The following PCK2 variants were observed in gnomAD, a reference collection of about 807,000 sequenced individuals.
PCK2 encodes phosphoenolpyruvate carboxykinase 2, mitochondrial, also known as phosphoenolpyruvate carboxykinase [GTP], mitochondrial.
Under a neutral mutation model 65.9 loss-of-function variants are expected in PCK2, and 56 were observed. The ratio of observed to expected loss-of-function variants is 0.85; its 90% CI spans 0.69 to 1.06. PCK2 has a LOEUF of 1.06. Ranked by LOEUF, PCK2 falls within the 50% of genes least tolerant of loss-of-function variation. The pLI, the probability that PCK2 is intolerant of heterozygous loss-of-function variation, is 0.00. For synonymous variants in PCK2, 305 were observed against 319.6 expected, an observed-to-expected ratio of 0.95 and a Z score of 0.49; for missense variants, 843 against 863.1, an observed-to-expected ratio of 0.98 and a Z score of 0.29.
At position 24,098,194 on chromosome 14, in the gene PCK2, C is replaced by T. The variant is rs755506944; in HGVS notation, c.276-9C>T. 1 of 1,585,866 alleles carries T rather than the reference C, an allele frequency of 6.3e-7. No individual in the cohort carries two copies. The highest frequency in any genetic ancestry group is 1.1e-5 in the South Asian group (1 of 88,324). ...GCCACCATCTTCCTGACAATCCCCT[C>T]TCCCCCAGCTGGCTGGCCCGCACAG... On this transcript the variant is annotated splice_polypyrimidine_tract_variant and intron_variant, in intron 2 of 9. Coordinates refer to ENST00000216780, the MANE Select transcript of PCK2 (RefSeq NM_004563.4).
At chr14:24,098,086 G>T (rs1594292718) in intron 2 of PCK2, 117 bp from the exon 3 acceptor site, 3 of 794,346 alleles carry the variant, frequency 3.8e-6, no homozygotes, top group Non-Finnish European at 2.0e-6. Context: ...ATGTGATTGG[G>T]TGGGGAAACA....
At position 24,099,693 on chromosome 14, in the gene PCK2, A is replaced by G; in HGVS notation, c.988A>G (p.Ile330Val). Residue 330 changes from isoleucine (I) to valine (V), a missense_variant, in exon 6 of 10, where the codon ATT (isoleucine) becomes GTT (valine). Coordinates refer to ENST00000216780, the MANE Select transcript of PCK2 (RefSeq NM_004563.4). ...GAAAGTGGAGTGTGTGGGGGATGAT[A>G]TTGCTTGGATGAGGTTTGACAGTGA... ...GWKVECVGDD[I>V]AWMRFDSEGR... 1 of 1,613,954 alleles carries G rather than the reference A, an allele frequency of 6.2e-7. No individual in the cohort carries two copies.
In PCK2 at chr14:24,099,727, G is replaced by A. The variant is rs1354698198; in HGVS notation, c.1015+7G>A. ...ATGAGGTTTGACAGTGAAGGTGAGG[G>A]ACTCTCAGATCATACTCTTGGTTCT... is the stretch of plus-strand genomic sequence containing the variant. On this transcript the variant is annotated splice_region_variant and intron_variant, in intron 6 of 9. Transcript: ENST00000216780. 1.9e-6 allele frequency: 3 copies of A among 1,610,554 alleles called. No homozygotes were observed. The highest frequency in any genetic ancestry group is 2.2e-5 in the South Asian group (2 of 90,998).
chr14:24,102,912 T>C, intron 8 of PCK2, 22 bp downstream of exon 8: 1 of 1,608,154 alleles, frequency 6.2e-7, no homozygotes, highest in Non-Finnish European at 8.5e-7. Flanking sequence ...ATGAGCTCCA[T>C]GTTCTTGGCA....
In PCK2 at chr14:24,094,321, T is replaced by G; in HGVS notation, c.-85T>G. 1 of 1,370,838 alleles carries G rather than the reference T, an allele frequency of 7.3e-7. No individual in the cohort carries two copies. The highest frequency in any genetic ancestry group is 1.2e-5 in the South Asian group (1 of 80,426). The allele number at this position is 1,370,838 out of a possible 1,614,324, so 84.9% of individuals were successfully genotyped here. ...CCGCCAGCCTCTGCTGTGGCTCGCT[T>G]CGCCGCGCTCCCTCCTTCCCCGCCT... On this transcript the variant is annotated 5_prime_UTR_variant, in exon 1 of 10. Transcript: ENST00000216780. This position sits in a 1 kb window ranked among gnomAD's most constrained non-coding sequence, Gnocchi z 4.1.
chr14:24,100,011 C>T lies in PCK2; in HGVS notation c.1032C>T (p.Ile344=). The change falls in exon 7 of 10, where the codon ATC becomes ATT. Residue 344 remains isoleucine, a synonymous_variant. Transcript: ENST00000216780. ...RFDSEGRLRA[I]NPENGFFGVA... is the part of the protein sequence containing the mutation. ...TCCTAACAGGTCGACTCCGGGCCAT[C>T]AACCCTGAGAACGGCTTCTTTGGGG... 1.9e-6 allele frequency: 3 copies of T among 1,614,200 alleles called. No individual in the cohort carries two copies. Among genetic ancestry groups the T allele is most frequent in the Non-Finnish European group, 2.5e-6 (3 of 1,179,998 alleles).
At position 24,098,679 on chromosome 14, in the gene PCK2, G is replaced by T; in HGVS notation, c.664+1G>T. 6.2e-7 allele frequency: 1 copy of T among 1,612,660 alleles called. No homozygotes were observed. Among genetic ancestry groups the T allele is most frequent in the Non-Finnish European group, 8.5e-7 (1 of 1,179,280 alleles). On this transcript the variant is annotated splice_donor_variant, in intron 4 of 9. Coordinates refer to ENST00000216780, the MANE Select transcript of PCK2 (RefSeq NM_004563.4). LOFTEE classifies it high-confidence loss of function. Reference sequence around the variant, plus strand: ...GTGGGCCAGCCCCTGACAGGACAAGGTAAGCACCTGCTCTGCCCCAAGGGG... The same window carrying T: ...GTGGGCCAGCCCCTGACAGGACAAGTTAAGCACCTGCTCTGCCCCAAGGGG...
At chr14:24,101,726 C>T (rs1408847338) in intron 7 of PCK2, among the ~76,000 whole-genome samples, 1 of 152,140 alleles carries the variant, frequency 6.6e-6, no homozygotes, top group East Asian at 1.9e-4. Context: ...AGTTCGAGAC[C>T]AGCCTGGCAA....
chr14:24,102,589 G>A (rs1341392698), intron 7 of PCK2, 164 bp from the exon 8 acceptor site: 3 of 625,576 alleles, frequency 4.8e-6, no homozygotes, highest in African/African-American at 1.8e-5. Flanking sequence ...TGAGCTCTTG[G>A]AGATGCCCTG....
intron 7 of PCK2, chr14:24,100,494 G>T (rs1174881631): frequency 2.5e-6 from 2 of 810,470 alleles, no homozygotes; most frequent in African/African-American, 3.5e-5. Flanking sequence ...TGAGATTGTT[G>T]GAGGATTAAA....
Position 24,094,613 on chromosome 14 carries a change from C to T in PCK2, c.29+179C>T. The T allele has an allele frequency of 6.8e-7, 1 of 1,462,088 alleles. No individual in the cohort carries two copies. Among genetic ancestry groups the T allele is most frequent in the Admixed American group, 2.3e-5 (1 of 42,686 alleles). 90.6% of individuals were successfully genotyped at this position (1,462,088 alleles called of 1,614,324 possible). On this transcript the variant is annotated intron_variant, in intron 1 of 9. Coordinates refer to ENST00000216780, the MANE Select transcript of PCK2 (RefSeq NM_004563.4). The surrounding 1 kb of genome is among the most constrained non-coding windows in gnomAD (Gnocchi z 4.1). The stretch of plus-strand genomic sequence containing the variant: ...GCCGCGCGTCTCTTGGGAGGGCAGC[C>T]GGCCGGTGCTCCTCGTTTCCGCCTG...
At position 24,100,189 on chromosome 14, in the gene PCK2, T is replaced by G; in HGVS notation, c.1210T>G (p.Trp404Gly). 1 of 1,614,168 alleles carries G rather than the reference T, an allele frequency of 6.2e-7. No homozygotes were observed. Among genetic ancestry groups the G allele is most frequent in the East Asian group, 2.2e-5 (1 of 44,888 alleles). The change falls in exon 7 of 10, where the codon TGG (tryptophan) becomes GGG (glycine). Residue 404 changes from tryptophan (W) to glycine (G), a missense_variant. Physicochemically the swap from Trp to Gly is radical, Grantham distance 184. Coordinates refer to ENST00000216780, the MANE Select transcript of PCK2 (RefSeq NM_004563.4). ...PLPPGVTVTSWLGKPWKPGDK... is the reference protein window; with the variant it reads ...PLPPGVTVTSGLGKPWKPGDK... ...TCCACCTGGTGTTACTGTGACCTCC[T>G]GGCTGGGCAAACCCTGGAAACCTGG...
chr14:24,102,904 GA>G lies in PCK2; in HGVS notation c.1372+15del, dbSNP rs759298772. On this transcript the variant is annotated intron_variant, in intron 8 of 9. Coordinates refer to ENST00000216780, the MANE Select transcript of PCK2 (RefSeq NM_004563.4). ...GCAGACCCAAAGGTAAACAACATAT[GA>G]GCTCCATGTTCTTGGCAAAAGGGCT... is the stretch of plus-strand genomic sequence containing the variant. 2 of 1,611,128 alleles carry G rather than the reference GA, an allele frequency of 1.2e-6. No individual in the cohort carries two copies.
At position 24,098,524 on chromosome 14, in the gene PCK2, G is replaced by A. The variant is rs547420649; in HGVS notation, c.510G>A (p.Pro170=). The change falls in exon 4 of 10, where the codon CCG becomes CCA. Residue 170 remains proline (P), a synonymous_variant. Transcript: ENST00000216780. ...LPFSMGPVGS[P]LSRIGVQLTD... ...TCAGCATGGGTCCTGTGGGCTCCCC[G>A]CTGTCCCGCATCGGGGTGCAGCTCA... 37 of 1,614,102 alleles carry A rather than the reference G, an allele frequency of 2.3e-5. No homozygotes were observed. The Admixed American group carries it at 3.3e-4, about 15-fold the overall frequency.
In PCK2 at chr14:24,103,482, T is replaced by C. The variant is rs762460404; in HGVS notation, c.1469-28T>C. On this transcript the variant is annotated intron_variant, in intron 9 of 9. Coordinates refer to ENST00000216780, the MANE Select transcript of PCK2 (RefSeq NM_004563.4). ...TTCCCTACCCCAGTGAGAAGGAAGA[T>C]TCCTTACCCATCTTGCTTCCCCCCC... 5 of 1,528,582 alleles carry C rather than the reference T, an allele frequency of 3.3e-6. No individual in the cohort carries two copies. In the South Asian group the frequency reaches 5.2e-5, roughly 16 times the overall value. 94.7% of individuals were successfully genotyped at this position (1,528,582 alleles called of 1,614,324 possible). A position where few individuals can be genotyped will look rare whatever the true frequency, so the allele number is the denominator to read the frequency against.
Position 24,098,191 on chromosome 14 carries a change from C to T in PCK2, c.276-12C>T. 2 of 1,583,096 alleles carry T rather than the reference C, an allele frequency of 1.3e-6. No individual in the cohort carries two copies. Among genetic ancestry groups the T allele is most frequent in the Non-Finnish European group, 1.7e-6 (2 of 1,160,118 alleles). On this transcript the variant is annotated splice_polypyrimidine_tract_variant and intron_variant, in intron 2 of 9. Transcript: ENST00000216780. ...CTGGCCACCATCTTCCTGACAATCCCCTCTCCCCCAGCTGGCTGGCCCGCA... is the reference window on the plus strand; with the variant it reads ...CTGGCCACCATCTTCCTGACAATCCTCTCTCCCCCAGCTGGCTGGCCCGCA...
At position 24,103,257 on chromosome 14, in the gene PCK2, T is replaced by C. The variant is rs148019349; in HGVS notation, c.1468+2T>C. ...CCACTGCTGCAGCAGAACACAAAGG[T>C]GAGCACCCTCACCATTCCTCCCTCT... On this transcript the variant is annotated splice_donor_variant, in intron 9 of 9. Coordinates refer to ENST00000216780, the MANE Select transcript of PCK2 (RefSeq NM_004563.4). LOFTEE classifies it high-confidence loss of function. 2,021 of 1,609,882 alleles carry C rather than the reference T, an allele frequency of 1.3e-3. 5 individuals carry two copies. The highest frequency in any genetic ancestry group is 2.2e-3 in the Admixed American group (133 of 59,942).
chr14:24,101,993 A>C (rs909890082), intron 7 of PCK2, among the ~76,000 whole-genome samples: 25 of 152,146 alleles, frequency 1.6e-4, no homozygotes, highest in African/African-American at 5.8e-4. Flanking sequence ...TGGGAGGCCA[A>C]GGTGGGCAGA....
At chr14:24,100,370 C>A in intron 7 of PCK2, 157 bp downstream of exon 7, 1 of 1,427,772 alleles carries the variant, frequency 7.0e-7, no homozygotes, top group Non-Finnish European at 9.3e-7. Context: ...AATCTCAGTT[C>A]ATGTCCCAAC....
Sources: gnomAD v4.1 joint callset for allele counts (sites outside exome capture counted in the v4.1 genomes callset) on GRCh38, gnomAD v4.1.1 for gene constraint, Gnocchi (gnomAD v3.1) non-coding constraint, MANE v1.5 for transcripts, NCBI Gene and HGNC (gene_info 2026-07-23, HGNC 2026-07-21) for gene names.